TMEM108: variants seen among roughly 807,000 people sequenced by gnomAD.
TMEM108 encodes the protein cancer/testis antigen 124.
In TMEM108, 12 loss-of-function variants were observed where a neutral mutation model predicts 35.1. The ratio of observed to expected loss-of-function variants is 0.34; its 90% CI spans 0.22 to 0.55. The LOEUF is 0.55. Ranked by LOEUF, TMEM108 falls within the 20% of genes least tolerant of loss-of-function variation. The pLI, the probability that TMEM108 is intolerant of heterozygous loss-of-function variation, is 0.89. For synonymous variants in TMEM108, 287 were observed against 308.6 expected, an observed-to-expected ratio of 0.93 and a Z score of 0.73; for missense variants, 680 against 753.3, an observed-to-expected ratio of 0.90 and a Z score of 1.14.
intron 3 of TMEM108, among the ~76,000 whole-genome samples, chr3:133,292,129 G>A (rs970226121): frequency 1.3e-5 from 2 of 151,272 alleles, no homozygotes; most frequent in Non-Finnish European, 2.9e-5. Context: ...TGATGGTTGC[G>A]TAGAAGTTTA....
intron 3 of TMEM108, among the ~76,000 whole-genome samples, chr3:133,306,070 T>G (rs1480420616): frequency 6.6e-6 from 1 of 152,168 alleles, no homozygotes; most frequent in East Asian, 1.9e-4. Flanking sequence ...TTTATTTTCT[T>G]AATAGTACTT....
At chr3:133,124,388 G>T (rs970703456) in intron 2 of TMEM108, among the ~76,000 whole-genome samples, 2 of 152,242 alleles carry the variant, frequency 1.3e-5, no homozygotes, top group African/African-American at 4.8e-5. Context: ...TATAGCTGAA[G>T]ATGAAGGAGA....
chr3:133,332,285 G>A (rs2071405640), intron 3 of TMEM108, among the ~76,000 whole-genome samples: 1 of 152,188 alleles, frequency 6.6e-6, no homozygotes, highest in Non-Finnish European at 1.5e-5. Flanking sequence ...GGGTCCCTCA[G>A]TTGACTTATC....
chr3:133,387,983 C>T (rs933200704), intron 4 of TMEM108: 1 of 985,344 alleles, frequency 1.0e-6, no homozygotes, highest in Non-Finnish European at 1.2e-6. Flanking sequence ...CACAGATACA[C>T]TTTTCCCCTG....
chr3:133,357,254 G>T (rs2072200574), intron 3 of TMEM108, among the ~76,000 whole-genome samples: 1 of 152,160 alleles, frequency 6.6e-6, no homozygotes, highest in Admixed American at 6.5e-5. Flanking sequence ...CTGTAAGAAT[G>T]GCCATAATTT....
chr3:133,116,262 G>C (rs1328360720), intron 2 of TMEM108, among the ~76,000 whole-genome samples: 1 of 152,144 alleles, frequency 6.6e-6, no homozygotes, highest in East Asian at 1.9e-4. Flanking sequence ...AAGAATCACA[G>C]TAAATTTGAT....
intron 2 of TMEM108, among the ~76,000 whole-genome samples, chr3:133,174,683 C>T (rs1945184178): frequency 1.3e-5 from 2 of 152,072 alleles, no homozygotes; most frequent in South Asian, 4.1e-4. Flanking sequence ...CAGTACATCA[C>T]CATCATCAAA....
intron 2 of TMEM108, among the ~76,000 whole-genome samples, chr3:133,177,760 G>A (rs555889824): frequency 6.6e-6 from 1 of 152,210 alleles, no homozygotes; most frequent in African/African-American, 2.4e-5. Context: ...CACAAGATAG[G>A]GATGCCCTCT....
At chr3:133,388,185 C>T (rs893519811) in intron 4 of TMEM108, 2 of 985,350 alleles carry the variant, frequency 2.0e-6, no homozygotes, top group African/African-American at 3.5e-5. Flanking sequence ...CTCTTTATGG[C>T]TTCTGTCACA....
At chr3:133,260,302 AAAT>A (rs902437471) in intron 3 of TMEM108, among the ~76,000 whole-genome samples, 6 of 123,778 alleles carry the variant, frequency 4.8e-5, no homozygotes, top group East Asian at 4.4e-4. Context: ...AAAAAAAAAA[AAAT>A]TTATTATCAG....
intron 3 of TMEM108, among the ~76,000 whole-genome samples, chr3:133,230,189 C>G (rs1021440292): frequency 6.6e-6 from 1 of 152,164 alleles, no homozygotes; most frequent in South Asian, 2.1e-4. Context: ...CTGAGTGGCT[C>G]CTTGTTAACT....
At chr3:133,350,251 G>T (rs1263798624) in intron 3 of TMEM108, among the ~76,000 whole-genome samples, 1 of 152,126 alleles carries the variant, frequency 6.6e-6, no homozygotes, top group Non-Finnish European at 1.5e-5. Flanking sequence ...TAGAAGCAAA[G>T]AGTAGAACAG....
chr3:133,395,523 A>G (rs1176359192), intron 5 of TMEM108, among the ~76,000 whole-genome samples: 2 of 152,240 alleles, frequency 1.3e-5, no homozygotes, highest in Admixed American at 6.5e-5. Context: ...TATGTGTGTC[A>G]TGCATGGCAA....
chr3:133,331,293 G>T (rs762323542), intron 3 of TMEM108, among the ~76,000 whole-genome samples: 1 of 152,148 alleles, frequency 6.6e-6, no homozygotes, highest in Non-Finnish European at 1.5e-5. Flanking sequence ...GTCATCAGAT[G>T]TCTTATTTGT....
chr3:133,394,100 G>A (rs566793513), intron 5 of TMEM108, among the ~76,000 whole-genome samples: 3 of 152,336 alleles, frequency 2.0e-5, no homozygotes, highest in Non-Finnish European at 2.9e-5. Context: ...CACTATATGA[G>A]GGTAAATGCA....
intron 2 of TMEM108, among the ~76,000 whole-genome samples, chr3:133,070,709 C>T (rs1943664697): frequency 6.6e-6 from 1 of 150,960 alleles, no homozygotes; most frequent in African/African-American, 2.4e-5. Flanking sequence ...TCTCTGAGTA[C>T]AGTAAACTCT....
At chr3:133,056,931 C>T (rs944279722) in intron 2 of TMEM108, among the ~76,000 whole-genome samples, 3 of 152,180 alleles carry the variant, frequency 2.0e-5, no homozygotes, top group Admixed American at 6.5e-5. Context: ...CTCTTTAAAA[C>T]GAAGTTTTCC....
chr3:133,087,998 CAA>C (rs1224958427), intron 2 of TMEM108, among the ~76,000 whole-genome samples: 1 of 151,836 alleles, frequency 6.6e-6, no homozygotes, highest in Non-Finnish European at 1.5e-5. Context: ...CTCTTTTTGG[CAA>C]AGAGAAAAAA....
chr3:133,173,760 C>T (rs1225350522), intron 2 of TMEM108, among the ~76,000 whole-genome samples: 1 of 152,186 alleles, frequency 6.6e-6, no homozygotes, highest in Admixed American at 6.5e-5. Flanking sequence ...CAGCTCCCAG[C>T]ATGAGTGACG....
Sources: allele counts gnomAD v4.1 joint callset (sites outside exome capture counted in the v4.1 genomes callset), GRCh38; gene constraint gnomAD v4.1.1; transcripts MANE v1.5; gene names NCBI Gene and HGNC (gene_info 2026-07-23, HGNC 2026-07-21).